The following RBM6 variants were observed in gnomAD, a reference collection of about 807,000 sequenced individuals.
RBM6 encodes RNA binding motif protein 6, also known as RNA-binding protein 6.
Under a neutral mutation model 140.4 loss-of-function variants are expected in RBM6, and 23 were observed. The observed-to-expected ratio is 0.16, with a 90% CI of 0.12 to 0.23. RBM6 has a LOEUF of 0.23. Among genes scored for constraint, RBM6 ranks in the 10% least tolerant of loss-of-function variants. The pLI is 1.00. For missense variants in RBM6, 1,139 were observed against 1,386.7 expected (o/e 0.82, Z 2.84); for synonymous variants, 439 against 475.6 (o/e 0.92, Z 1.00).
Position 50,070,541 on chromosome 3 carries a change from G to A in RBM6, c.3105G>A (p.Arg1035=), listed in dbSNP as rs2090268961. Residue 1035 remains arginine (R), a synonymous_variant, in exon 19 of 21, where the codon AGG becomes AGA. Transcript: ENST00000266022. ...AAAGGAAACGGATTAAGTACTCCAG[G>A]GAAACTGACAGGTAAGCCAGGAACT... ...SPERKRIKYS[R]ETDSDRKLVD... 6.2e-7 allele frequency: 1 copy of A among 1,612,774 alleles called. No homozygotes were observed. Among genetic ancestry groups the A allele is most frequent in the East Asian group, 2.2e-5 (1 of 44,860 alleles).
At chr3:49,987,945 A>G (rs1439789250) in intron 5 of RBM6, among the ~76,000 whole-genome samples, 1 of 152,120 alleles carries the variant, frequency 6.6e-6, no homozygotes, top group Non-Finnish European at 1.5e-5. Context: ...GTCATCAAAG[A>G]TAATGTTTTT....
Position 50,066,336 on chromosome 3 carries a change from C to G in RBM6, c.2777C>G (p.Pro926Arg), listed in dbSNP as rs758882146. ...EEEEEEQTPP[P>R]QPRTAQPQKR... is the part of the protein sequence containing the mutation. ...GAAGAGGAGGAACAGACCCCTCCCC[C>G]ACAGCCCCGCACAGCACAGCCCCAG... Residue 926 changes from proline (P) to arginine (R), a missense_variant, in exon 17 of 21, where the codon CCA becomes CGA. By Grantham distance (103) the Pro-to-Arg change is moderately radical. Around this residue, in one of 9 missense-constraint regions of RBM6, gnomAD observed 23 missense variants for 19.2 expected, o/e 1.20. Coordinates refer to ENST00000266022, the MANE Select transcript of RBM6 (RefSeq NM_005777.3). 232 of 1,613,936 alleles carry G rather than the reference C, an allele frequency of 1.4e-4. No individual in the cohort carries two copies. Among genetic ancestry groups the G allele is most frequent in the Non-Finnish European group, 1.9e-4 (225 of 1,180,046 alleles).
At chr3:49,991,692 A>G (rs1367939042) in intron 5 of RBM6, among the ~76,000 whole-genome samples, 3 of 152,170 alleles carry the variant, frequency 2.0e-5, no homozygotes, top group Non-Finnish European at 2.9e-5. Flanking sequence ...GTTACAGGGC[A>G]TAAGTGGCCC....
chr3:50,047,074 A>G, intron 6 of RBM6: 1 of 687,034 alleles, frequency 1.5e-6, no homozygotes, highest in Non-Finnish European at 1.8e-6. Context: ...GCTAAGACCT[A>G]GGTAGATGGG....
intron 15 of RBM6, among the ~76,000 whole-genome samples, chr3:50,063,148 C>T (rs2090003707): frequency 6.6e-6 from 1 of 152,144 alleles, no homozygotes; most frequent in African/African-American, 2.4e-5. Context: ...CTGTCTCAGT[C>T]TCCCAAAGTG....
At chr3:49,957,488 A>G (rs1172773265) in intron 1 of RBM6, among the ~76,000 whole-genome samples, 1 of 152,012 alleles carries the variant, frequency 6.6e-6, no homozygotes, top group African/African-American at 2.4e-5. Context: ...GTGCATAAGC[A>G]GGCAACCTTA....
rs560914306 is a variant in RBM6, at chr3:50,043,691, C to T, written c.1558-4554C>T. Among the ~76,000 whole-genome samples the T allele has an allele frequency of 1.4e-4, 21 of 151,660 alleles. No individual in the cohort carries two copies. The South Asian group carries it at 1.7e-3, about 12-fold the overall frequency. On this transcript the variant is annotated intron_variant, in intron 6 of 20. Transcript: ENST00000266022. ...CTCTGACTTCCTGGTTCAAACGGTTCTCCTGCCTCAGCCTCCCGAGTAGCT... is the reference window on the plus strand; with the variant it reads ...CTCTGACTTCCTGGTTCAAACGGTTTTCCTGCCTCAGCCTCCCGAGTAGCT...
intron 16 of RBM6, chr3:50,065,561 T>C (rs1396981954): frequency 4.4e-6 from 2 of 457,646 alleles, no homozygotes; most frequent in Non-Finnish European, 8.8e-6. Context: ...GATGCTAATA[T>C]TGGTGCCCAT....
chr3:49,982,766 G>A (rs1306491821), intron 5 of RBM6, among the ~76,000 whole-genome samples: 1 of 151,458 alleles, frequency 6.6e-6, no homozygotes, highest in African/African-American at 2.4e-5. Context: ...CACCCAGGCT[G>A]GAGTGCAGTG....
intron 3 of RBM6, among the ~76,000 whole-genome samples, chr3:49,969,408 A>G (rs948878545): frequency 1.3e-5 from 2 of 148,256 alleles, no homozygotes; most frequent in Non-Finnish European, 3.0e-5. Flanking sequence ...GAATGTAGGA[A>G]TGTAAATCTC....
chr3:49,950,042 C>T (rs7615318), intron 1 of RBM6, among the ~76,000 whole-genome samples: 33,246 of 151,984 alleles, frequency 0.22, 3,948 homozygotes, highest in Middle Eastern at 0.27. Context: ...ATTTTCAAAT[C>T]GAGATATTTT....
At chr3:50,025,203 TC>T (rs1284134571) in intron 6 of RBM6, among the ~76,000 whole-genome samples, 2 of 151,772 alleles carry the variant, frequency 1.3e-5, no homozygotes, top group Non-Finnish European at 2.9e-5. Flanking sequence ...GGTGGGCAGA[TC>T]ACCTGAGGTC....
At chr3:50,011,234 G>A (rs1399577793) in intron 6 of RBM6, among the ~76,000 whole-genome samples, 2 of 151,768 alleles carry the variant, frequency 1.3e-5, no homozygotes, top group Non-Finnish European at 2.9e-5. Context: ...AAAAAAAAAG[G>A]CATGAAGAAT....
chr3:49,948,242 A>G (rs2083579248), intron 1 of RBM6, among the ~76,000 whole-genome samples: 2 of 152,174 alleles, frequency 1.3e-5, no homozygotes, highest in Admixed American at 1.3e-4. Flanking sequence ...AAATGGTTAA[A>G]ATAGGCCAGG....
intron 1 of RBM6, among the ~76,000 whole-genome samples, chr3:49,952,280 T>C (rs2083770918): frequency 6.7e-6 from 1 of 150,330 alleles, no homozygotes; most frequent in Non-Finnish European, 1.5e-5. Context: ...CTACCCGCCT[T>C]GGCCTCCCAA....
Position 49,984,611 on chromosome 3 carries a change from ACATCGCATCGCATCG to A in RBM6, c.1483+9258_1483+9272del, listed in dbSNP as rs72219946. ...ACATCACATCACATCACATCACATC[ACATCGCATCGCATCG>A]CATCGCATCGCATCGCATCGCATCG... On this transcript the variant is annotated intron_variant, in intron 5 of 20. Transcript: ENST00000266022. Among the ~76,000 whole-genome samples the A allele has an allele frequency of 7.5e-3, 642 of 86,138 alleles. 7 individuals carry two copies. The highest frequency in any genetic ancestry group is 0.02 in the African/African-American group (380 of 19,316). 56.5% of individuals were successfully genotyped at this position (86,138 alleles called of 152,430 possible).
intron 6 of RBM6, among the ~76,000 whole-genome samples, chr3:50,005,927 T>A (rs907160926): frequency 1.3e-5 from 2 of 152,000 alleles, no homozygotes; most frequent in Non-Finnish European, 1.5e-5. Context: ...GAAAAAAAAA[T>A]TAAAACAATT....
At position 49,968,716 on chromosome 3, in the gene RBM6, A is replaced by G; in HGVS notation, c.1291A>G (p.Lys431Glu). Residue 431 changes from lysine to glutamate, a missense_variant, in exon 3 of 21, where the codon AAA (lysine) becomes GAA (glutamate). Lys to Glu is a moderately conservative substitution (Grantham distance 56, BLOSUM62 1). Around this residue, in one of 9 missense-constraint regions of RBM6, gnomAD observed 566 missense variants for 612.7 expected, o/e 0.92. Transcript: ENST00000266022. ...CCAGAGCAAGTCTTTTCCAGAGGGC[A>G]AAACTGCCCGAGATGCCCAACGGGA... Reference protein sequence around the residue: ...YGQSKSFPEGKTARDAQRDLQ... With the variant: ...YGQSKSFPEGETARDAQRDLQ... The G allele has an allele frequency of 6.2e-7, 1 of 1,612,938 alleles. No homozygotes were observed. The highest frequency in any genetic ancestry group is 8.5e-7 in the Non-Finnish European group (1 of 1,179,558).
At chr3:50,055,320 C>G (rs2089657755) in intron 8 of RBM6, among the ~76,000 whole-genome samples, 1 of 152,162 alleles carries the variant, frequency 6.6e-6, no homozygotes, top group African/African-American at 2.4e-5. Context: ...ATCCCAGCTC[C>G]TTGGGAGGCT....
Sources: gnomAD v4.1 joint callset for allele counts (sites outside exome capture counted in the v4.1 genomes callset) on GRCh38, gnomAD v4.1.1 for gene constraint, gnomAD v4.1.1 regional missense constraint, MANE v1.5 for transcripts, NCBI Gene and HGNC (gene_info 2026-07-23, HGNC 2026-07-21) for gene names.